HS6ST3: variants seen among roughly 807,000 people sequenced by gnomAD.
The protein encoded by HS6ST3 is heparan sulfate 6-O-sulfotransferase 3.
HS6ST3 carries 12 observed loss-of-function variants against 36.7 expected under a neutral mutation model. The observed-to-expected ratio is 0.33, with a 90% CI of 0.21 to 0.53. The LOEUF is 0.53. Among genes scored for constraint, HS6ST3 ranks in the 20% least tolerant of loss-of-function variants. The pLI is 0.95. For synonymous variants in HS6ST3, 240 were observed against 257.5 expected (o/e 0.93, Z 0.65); for missense variants, 584 against 640.9 (o/e 0.91, Z 0.96).
rs551874307 is a variant in HS6ST3 at position 96,562,531 on chromosome 13, A to G, written c.708-269959A>G. On this transcript the variant is annotated intron_variant, in intron 1 of 1. Transcript: ENST00000376705. ...AACCCAAAATAAAAGTTGAAAAAAT[A>G]ACAATAATATGCCGAGCATCAGAGA... Among the ~76,000 whole-genome samples, 7 of 152,300 alleles carry G rather than the reference A, an allele frequency of 4.6e-5. No homozygotes were observed. The South Asian group carries it at 1.5e-3, about 32-fold the overall frequency.
intron 1 of HS6ST3, among the ~76,000 whole-genome samples, chr13:96,368,279 G>A (rs929492047): frequency 6.6e-6 from 1 of 152,062 alleles, no homozygotes. Flanking sequence ...TTGAAGATAG[G>A]GTACCTGTAA....
At chr13:96,727,180 A>C (rs1876026360) in intron 1 of HS6ST3, among the ~76,000 whole-genome samples, 1 of 152,186 alleles carries the variant, frequency 6.6e-6, no homozygotes, top group African/African-American at 2.4e-5. Flanking sequence ...AGTTAGATAC[A>C]CTTACCTTCA....
At chr13:96,473,737 A>C (rs1201323213) in intron 1 of HS6ST3, among the ~76,000 whole-genome samples, 1 of 152,128 alleles carries the variant, frequency 6.6e-6, no homozygotes, top group East Asian at 1.9e-4. Flanking sequence ...TCGAGTCGGG[A>C]AAAGGGTAGG....
chr13:96,682,865 G>A (rs905108625), intron 1 of HS6ST3, among the ~76,000 whole-genome samples: 7 of 151,904 alleles, frequency 4.6e-5, no homozygotes, highest in African/African-American at 1.2e-4. Context: ...AGTGTCACCC[G>A]AAAAAGAAAA....
chr13:96,615,509 C>T (rs528693416), intron 1 of HS6ST3, among the ~76,000 whole-genome samples: 1 of 152,304 alleles, frequency 6.6e-6, no homozygotes, highest in Admixed American at 6.5e-5. Context: ...CATTCATCAT[C>T]TGGATGTAGA....
chr13:96,451,985 T>A (rs567056348), intron 1 of HS6ST3, among the ~76,000 whole-genome samples: 2 of 152,342 alleles, frequency 1.3e-5, no homozygotes, highest in East Asian at 3.9e-4. Context: ...CGTTTTTACC[T>A]CTGTTGAATT....
intron 1 of HS6ST3, among the ~76,000 whole-genome samples, chr13:96,666,730 C>A (rs2056665467): frequency 1.3e-5 from 2 of 152,138 alleles, no homozygotes; most frequent in Middle Eastern, 3.4e-3. Flanking sequence ...TTCTGTGTGA[C>A]CTCATTTTCA....
At chr13:96,799,309 G>A (rs1317758978) in intron 1 of HS6ST3, among the ~76,000 whole-genome samples, 1 of 152,010 alleles carries the variant, frequency 6.6e-6, no homozygotes, top group Non-Finnish European at 1.5e-5. Flanking sequence ...CATTCTAACT[G>A]GTGTGAGATG....
At chr13:96,715,489 ATGT>A (rs1027541176) in intron 1 of HS6ST3, among the ~76,000 whole-genome samples, 15 of 152,176 alleles carry the variant, frequency 9.9e-5, no homozygotes, top group African/African-American at 3.6e-4. Flanking sequence ...GATATTTATT[ATGT>A]TATCTATACT....
rs752245411 is a variant in HS6ST3 at position 96,395,703 on chromosome 13, A to T, written c.707+304134A>T. 5.3e-4 allele frequency among the ~76,000 whole-genome samples: 81 copies of T among 152,266 alleles called. No individual in the cohort carries two copies. In the Middle Eastern group the frequency reaches 0.01, roughly 19 times the overall value. ...ACCCCTCTCCGCTCCCAGTTTCAGTAGGGTTGAATCCTTGAGGACAGAATT... is the reference window on the plus strand; with the variant it reads ...ACCCCTCTCCGCTCCCAGTTTCAGTTGGGTTGAATCCTTGAGGACAGAATT... On this transcript the variant is annotated intron_variant, in intron 1 of 1. Coordinates refer to ENST00000376705, the MANE Select transcript of HS6ST3 (RefSeq NM_153456.4).
intron 1 of HS6ST3, among the ~76,000 whole-genome samples, chr13:96,091,839 T>C (rs1265027154): frequency 6.6e-6 from 1 of 151,926 alleles, no homozygotes; most frequent in African/African-American, 2.4e-5. Flanking sequence ...TCCTGCCTGT[T>C]GCCTAGCACG....
intron 1 of HS6ST3, among the ~76,000 whole-genome samples, chr13:96,271,016 C>T (rs970431484): frequency 8.6e-5 from 13 of 151,998 alleles, no homozygotes; most frequent in Non-Finnish European, 1.9e-4. Context: ...CTGGTCTATG[C>T]TATTGAGTAA....
At chr13:96,410,243 A>C (rs2139461671) in intron 1 of HS6ST3, among the ~76,000 whole-genome samples, 1 of 152,268 alleles carries the variant, frequency 6.6e-6, no homozygotes, top group South Asian at 2.1e-4. Flanking sequence ...AAAGGTTAAG[A>C]TCCATGATAT....
intron 1 of HS6ST3, among the ~76,000 whole-genome samples, chr13:96,804,591 G>A (rs1440177828): frequency 6.6e-6 from 1 of 152,110 alleles, no homozygotes; most frequent in African/African-American, 2.4e-5. Context: ...GCGATACTTA[G>A]GTTACCTACA....
intron 1 of HS6ST3, among the ~76,000 whole-genome samples, chr13:96,618,975 T>C (rs1186345263): frequency 6.6e-6 from 1 of 151,884 alleles, no homozygotes; most frequent in Non-Finnish European, 1.5e-5. Flanking sequence ...TTAGCAAATA[T>C]TTGGCAAGCA....
intron 1 of HS6ST3, among the ~76,000 whole-genome samples, chr13:96,769,446 C>G (rs1472072044): frequency 1.8e-5 from 2 of 108,370 alleles, no homozygotes; most frequent in Non-Finnish European, 3.7e-5. Flanking sequence ...TCCCTCCCCC[C>G]TCCCCCCACC....
At chr13:96,125,419 G>A (rs897626644) in intron 1 of HS6ST3, among the ~76,000 whole-genome samples, 18 of 152,116 alleles carry the variant, frequency 1.2e-4, no homozygotes, top group African/African-American at 4.1e-4. Context: ...TTATTGCATT[G>A]ATCTTAACTT....
chr13:96,724,556 C>G (rs910804285), intron 1 of HS6ST3, among the ~76,000 whole-genome samples: 15 of 152,182 alleles, frequency 9.9e-5, no homozygotes, highest in Admixed American at 9.8e-4. Flanking sequence ...AGCAAACACT[C>G]ATCTGCTTTC....
intron 1 of HS6ST3, among the ~76,000 whole-genome samples, chr13:96,481,478 C>T (rs183329294): frequency 6.6e-6 from 1 of 152,226 alleles, no homozygotes; most frequent in East Asian, 1.9e-4. Flanking sequence ...AAGACTTAAT[C>T]AAGTGCTGCC....
Sources: gnomAD v4.1 joint callset for allele counts (sites outside exome capture counted in the v4.1 genomes callset) on GRCh38, gnomAD v4.1.1 for gene constraint, MANE v1.5 for transcripts, NCBI Gene and HGNC (gene_info 2026-07-23, HGNC 2026-07-21) for gene names.